Variants in FRMD4A observed in about 807,000 individuals in gnomAD.
FRMD4A encodes FERM domain containing 4A.
A neutral mutation model predicts 129.1 loss-of-function variants in FRMD4A; 29 were observed. The ratio of observed to expected loss-of-function variants is 0.22; its 90% confidence interval spans 0.17 to 0.31. FRMD4A has a LOEUF of 0.31. Ranked by LOEUF, FRMD4A falls within the 10% of genes least tolerant of loss-of-function variation. The probability of loss-of-function intolerance (pLI) is 1.00; values close to 1 mark genes in which losing one functional copy is unlikely to be tolerated. For missense variants in FRMD4A, 1,272 were observed against 1,375.8 expected (o/e 0.92, Z 1.19); for synonymous variants, 634 against 571.6 (o/e 1.11, Z -1.56).
At chr10:14,320,783 A>G (rs186369895) in intron 2 of FRMD4A, among the ~76,000 whole-genome samples, 25 of 152,314 alleles carry the variant, frequency 1.6e-4, no homozygotes, top group African/African-American at 6.0e-4. Context: ...GCCAATCAAT[A>G]CCTTCATTAC....
chr10:14,198,948 G>T (rs1414161008), intron 2 of FRMD4A, among the ~76,000 whole-genome samples: 1 of 152,106 alleles, frequency 6.6e-6, no homozygotes, highest in South Asian at 2.1e-4. Context: ...TCAGTAGAGG[G>T]CTTGTCATTC....
intron 2 of FRMD4A, among the ~76,000 whole-genome samples, chr10:13,986,658 A>C (rs2095582496): frequency 6.7e-6 from 1 of 149,304 alleles, no homozygotes; most frequent in Non-Finnish European, 1.5e-5. Flanking sequence ...AATAATAATA[A>C]AAATAAATAA....
At chr10:14,134,350 T>A (rs1011977491) in intron 2 of FRMD4A, among the ~76,000 whole-genome samples, 1 of 150,370 alleles carries the variant, frequency 6.7e-6, no homozygotes, top group East Asian at 2.0e-4. Flanking sequence ...AGTGGATGAA[T>A]TGATGAATGG....
Position 14,055,354 on chromosome 10 carries a change from C to A in FRMD4A, c.46-196442G>T, listed in dbSNP as rs1012639903. On this transcript the variant is annotated intron_variant, in intron 2 of 24. Coordinates refer to ENST00000357447, the MANE Select transcript of FRMD4A (RefSeq NM_018027.5). ...GTCTTTATGATGTTTCCCATCAAGG[C>A]AGTAAGATGTGCAATAATAGAAGGT... Among the ~76,000 whole-genome samples, 5 of 152,026 alleles carry A rather than the reference C, an allele frequency of 3.3e-5. 1 individual carries two copies. Among genetic ancestry groups the A allele is most frequent in the Admixed American group, 2.0e-4 (3 of 15,248 alleles).
rs71388168 is a variant in FRMD4A, at chr10:14,241,683, TAAAAAAAAAAAAAAAAAAAAA to T, written c.45+88354_45+88374del. Among the ~76,000 whole-genome samples the T allele has an allele frequency of 1.1e-3, 25 of 23,416 alleles. 1 individual carries two copies. The highest frequency in any genetic ancestry group is 4.4e-3 in the East Asian group (2 of 454). 15.4% of individuals were successfully genotyped at this position (23,416 alleles called of 152,430 possible). A position where few individuals can be genotyped will look rare whatever the true frequency, so the allele number is the denominator to read the frequency against. ...GGAGAGGGATTTGTTTTACCCTCCCTAAAAAAAAAAAAAAAAAAAAAAAAAAAAAAAAAAAAAAGAGCCAAC... is the reference window on the plus strand; with the variant it reads ...GGAGAGGGATTTGTTTTACCCTCCCTAAAAAAAAAAAAAAAAAGAGCCAAC... On this transcript the variant is annotated intron_variant, in intron 2 of 24. Transcript: ENST00000357447.
chr10:13,976,613 C>T lies in FRMD4A; in HGVS notation c.46-117701G>A, dbSNP rs372627396. Among the ~76,000 whole-genome samples, 6 of 152,068 alleles carry T rather than the reference C, an allele frequency of 3.9e-5. 1 individual carries two copies. The South Asian group carries it at 1.2e-3, about 32-fold the overall frequency. ...GGAATGTTTTAAGACATAATTACTG[C>T]CTTGAAAAGGAATAGGAAAAACTCA... On this transcript the variant is annotated intron_variant, in intron 2 of 24. Transcript: ENST00000357447.
At chr10:14,328,626 A>ATGTGTGTGTGTGTGTGTG (rs58681647) in intron 2 of FRMD4A, among the ~76,000 whole-genome samples, 12 of 142,476 alleles carry the variant, frequency 8.4e-5, no homozygotes, top group African/African-American at 3.1e-4. Context: ...ATACATATGC[A>ATGTGTGTGTGTGTGTGTG]TGTGTGTGTG....
chr10:13,903,436 A>G (rs2094843734), intron 2 of FRMD4A, among the ~76,000 whole-genome samples: 1 of 152,114 alleles, frequency 6.6e-6, no homozygotes, highest in Non-Finnish European at 1.5e-5. Context: ...CATTCAATAG[A>G]TATTTGTTGA....
intron 2 of FRMD4A, among the ~76,000 whole-genome samples, chr10:14,298,783 C>G (rs1846091491): frequency 6.6e-6 from 1 of 152,060 alleles, no homozygotes; most frequent in African/African-American, 2.4e-5. Context: ...AGGGAAAGCA[C>G]TGAGAAGGAT....
chr10:14,241,743 G>A (rs1367831153), intron 2 of FRMD4A, among the ~76,000 whole-genome samples: 5 of 105,964 alleles, frequency 4.7e-5, no homozygotes, highest in Non-Finnish European at 7.5e-5. Flanking sequence ...GAATTAAACA[G>A]AGGTGTTGCC....
intron 2 of FRMD4A, among the ~76,000 whole-genome samples, chr10:14,273,909 T>C (rs565391573): frequency 6.6e-6 from 1 of 152,268 alleles, no homozygotes; most frequent in Non-Finnish European, 1.5e-5. Context: ...GAATCTCTTA[T>C]AGAACAATCA....
At chr10:14,074,614 A>G (rs1835477871) in intron 2 of FRMD4A, 1 of 152,164 alleles carries the variant, frequency 6.6e-6, no homozygotes, top group Non-Finnish European at 1.5e-5. Context: ...CTGGCAGGGC[A>G]CTGATTTAAT....
intron 2 of FRMD4A, among the ~76,000 whole-genome samples, chr10:14,076,225 C>A (rs7099140): frequency 3.2e-4 from 49 of 152,106 alleles, no homozygotes; most frequent in Non-Finnish European, 6.5e-4. Flanking sequence ...ATGTTACCTG[C>A]GAGCTTACCA....
At chr10:13,780,316 G>A (rs1331869850) in intron 6 of FRMD4A, among the ~76,000 whole-genome samples, 1 of 124,912 alleles carries the variant, frequency 8.0e-6, no homozygotes, top group Admixed American at 9.5e-5. Flanking sequence ...AACAGAGTGA[G>A]ACTGTGTCTC....
At chr10:13,752,926 G>C (rs76212177) in intron 8 of FRMD4A, among the ~76,000 whole-genome samples, 1 of 152,186 alleles carries the variant, frequency 6.6e-6, no homozygotes, top group East Asian at 1.9e-4. Context: ...TGGAGGTGTT[G>C]ATGTGTTTAA....
intron 2 of FRMD4A, among the ~76,000 whole-genome samples, chr10:14,179,617 T>C (rs1205729798): frequency 6.6e-6 from 1 of 152,266 alleles, no homozygotes; most frequent in Non-Finnish European, 1.5e-5. Flanking sequence ...TGATTTAATA[T>C]TAAGTGCTTA....
chr10:14,172,018 G>A (rs964073653), intron 2 of FRMD4A, among the ~76,000 whole-genome samples: 4 of 152,180 alleles, frequency 2.6e-5, no homozygotes, highest in African/African-American at 9.7e-5. Context: ...GGGCAACTTA[G>A]GATTTAAAAC....
rs527969059 is a variant in FRMD4A, at chr10:14,108,212, T to C, written c.45+221846A>G. Among the ~76,000 whole-genome samples, 4 of 152,326 alleles carry C rather than the reference T, an allele frequency of 2.6e-5. No homozygotes were observed. The East Asian group carries it at 7.7e-4, about 29-fold the overall frequency. On this transcript the variant is annotated intron_variant, in intron 2 of 24. Coordinates refer to ENST00000357447, the MANE Select transcript of FRMD4A (RefSeq NM_018027.5). ...CTTACTATTAGCGAGACCAGCATCT[T>C]TCTTAAGTTTCAGCTCTATTTTCAG... is the stretch of plus-strand genomic sequence containing the variant.
At chr10:13,941,020 C>A (rs1055555578) in intron 2 of FRMD4A, among the ~76,000 whole-genome samples, 2 of 152,126 alleles carry the variant, frequency 1.3e-5, no homozygotes, top group African/African-American at 4.8e-5. Context: ...GGAAAGAGAG[C>A]AAGGATTGAA....
Sources: allele counts gnomAD v4.1 joint callset (sites outside exome capture counted in the v4.1 genomes callset), GRCh38; gene constraint gnomAD v4.1.1; transcripts MANE v1.5; gene names NCBI Gene and HGNC (gene_info 2026-07-23, HGNC 2026-07-21).